Variants in ADCY9 observed in about 807,000 individuals in gnomAD.
ADCY9 encodes the protein adenylate cyclase type 9.
In ADCY9, 50 loss-of-function variants were observed where a neutral mutation model predicts 101.5. The observed-to-expected ratio is 0.49, with a 90% CI of 0.39 to 0.62. The LOEUF is 0.62. Among genes scored for constraint, ADCY9 ranks in the 20% least tolerant of loss-of-function variants. The probability of loss-of-function intolerance (pLI) is 0.00; values close to 1 mark genes in which losing one functional copy is unlikely to be tolerated. For missense variants in ADCY9, 1,662 were observed against 1,800.4 expected (o/e 0.92, Z 1.39); for synonymous variants, 905 against 769.3 (o/e 1.18, Z -2.92).
chr16:4,029,210 A>C (rs2056538163), intron 2 of ADCY9, among the ~76,000 whole-genome samples: 1 of 152,202 alleles, frequency 6.6e-6, no homozygotes. Context: ...TCTAGGAAAT[A>C]ATATTATAGT....
rs771918455 is a variant in ADCY9, at chr16:3,992,392, C to T, written c.1990-29G>A. ...CCTCGAGACAAAGAGGACGCAGACACGGGAAGTGAAGTGGCACCGGGCACT... is the reference window on the plus strand; with the variant it reads ...CCTCGAGACAAAGAGGACGCAGACATGGGAAGTGAAGTGGCACCGGGCACT... On this transcript the variant is annotated intron_variant, in intron 4 of 10. Coordinates refer to ENST00000294016, the MANE Select transcript of ADCY9 (RefSeq NM_001116.4). The surrounding 1 kb of genome is among the most constrained non-coding windows in gnomAD (Gnocchi z 4.2). The T allele has an allele frequency of 7.5e-6, 12 of 1,605,764 alleles. No homozygotes were observed. Among genetic ancestry groups the T allele is most frequent in the Middle Eastern group, 1.7e-4 (1 of 5,814 alleles).
intron 2 of ADCY9, among the ~76,000 whole-genome samples, chr16:4,073,398 CTTTT>C (rs35147648): frequency 1.4e-5 from 2 of 141,716 alleles, no homozygotes; most frequent in Admixed American, 1.4e-4. Context: ...TCTTTAAAAA[CTTTT>C]TTTTTTTTTT....
At chr16:4,014,706 C>T (rs2056426299) in intron 2 of ADCY9, among the ~76,000 whole-genome samples, 1 of 151,932 alleles carries the variant, frequency 6.6e-6, no homozygotes, top group Admixed American at 6.6e-5. Context: ...CCTCTGTCTC[C>T]CAAAGTGCTG....
In ADCY9 at chr16:4,031,547, C is replaced by T. The variant is rs548922588; in HGVS notation, c.1694-23989G>A. Among the ~76,000 whole-genome samples, 11 of 152,236 alleles carry T rather than the reference C, an allele frequency of 7.2e-5. No homozygotes were observed. The East Asian group carries it at 2.1e-3, about 29-fold the overall frequency. On this transcript the variant is annotated intron_variant, in intron 2 of 10. Coordinates refer to ENST00000294016, the MANE Select transcript of ADCY9 (RefSeq NM_001116.4). ...AAGTGGGATATTAGTGTTCATTATA[C>T]TATTATTTCAACTTTTCTGTAGGTT...
chr16:3,966,430 T>C lies in ADCY9; in HGVS notation c.3407A>G (p.Gln1136Arg), dbSNP rs1417323161. 1.2e-6 allele frequency: 2 copies of C among 1,614,062 alleles called. No homozygotes were observed. Among genetic ancestry groups the C allele is most frequent in the Non-Finnish European group, 1.7e-6 (2 of 1,180,052 alleles). ...QDGSHPQEHL[Q>R]ILFEFAKEMM... ...CTCCTTGGCGAACTCGAACAGGATC[T>C]GCAGGTGCTCCTGCGGGTGGCTGCC... The change falls in exon 11 of 11, where the codon CAG (glutamine) becomes CGG (arginine). Residue 1136 changes from glutamine to arginine, a missense_variant. By Grantham distance (43) the Gln-to-Arg change is conservative. Around this residue, in one of 5 missense-constraint regions of ADCY9, gnomAD observed 220 missense variants for 312.9 expected, o/e 0.70. Coordinates refer to ENST00000294016, the MANE Select transcript of ADCY9 (RefSeq NM_001116.4).
rs79827009 is a variant in ADCY9, at chr16:3,978,097, C to T, written c.2680-467G>A. Among the ~76,000 whole-genome samples, 197 of 152,254 alleles carry T rather than the reference C, an allele frequency of 1.3e-3. 4 individuals carry two copies. In the East Asian group the frequency reaches 0.035, roughly 27 times the overall value. On this transcript the variant is annotated intron_variant, in intron 8 of 10. Coordinates refer to ENST00000294016, the MANE Select transcript of ADCY9 (RefSeq NM_001116.4). ...CTATCTGCAGTCAGTCTTACTTTTG[C>T]TAGTGGGCAGTGTCAAGGACAGATC...
chr16:3,998,273 C>A (rs535487366), intron 3 of ADCY9, among the ~76,000 whole-genome samples: 22 of 152,020 alleles, frequency 1.4e-4, no homozygotes, highest in Non-Finnish European at 3.1e-4. Flanking sequence ...TAGCTGGGCA[C>A]AGTGGTGTGT....
chr16:4,036,040 C>T (rs2056587115), intron 2 of ADCY9, among the ~76,000 whole-genome samples: 1 of 141,984 alleles, frequency 7.0e-6, no homozygotes, highest in Non-Finnish European at 1.6e-5. Context: ...CCAAGGGGCC[C>T]CAGCCCCCCT....
At chr16:4,028,044 G>A (rs1295154646) in intron 2 of ADCY9, among the ~76,000 whole-genome samples, 1 of 151,880 alleles carries the variant, frequency 6.6e-6, no homozygotes, top group African/African-American at 2.4e-5. Context: ...GATTTGGGTG[G>A]GGACACAGCC....
chr16:4,093,912 CT>C (rs1166991920), intron 2 of ADCY9, among the ~76,000 whole-genome samples: 1 of 152,194 alleles, frequency 6.6e-6, no homozygotes, highest in Non-Finnish European at 1.5e-5. Flanking sequence ...CGAACTGGAA[CT>C]TCTCCCAGGA....
intron 2 of ADCY9, among the ~76,000 whole-genome samples, chr16:4,031,601 A>C (rs1179442438): frequency 6.6e-6 from 1 of 152,166 alleles, no homozygotes; most frequent in African/African-American, 2.4e-5. Context: ...AAAGTTGCGA[A>C]GGCCAGGCAC....
intron 7 of ADCY9, chr16:3,982,626 G>C (rs2056153517): frequency 6.6e-6 from 1 of 152,596 alleles, no homozygotes; most frequent in Admixed American, 6.5e-5. Flanking sequence ...TTTATTATCA[G>C]GCTATGTGTG....
rs1028541178 is a variant in ADCY9 at position 3,987,880 on chromosome 16, C to T, written c.2310+1114G>A. On this transcript the variant is annotated intron_variant, in intron 6 of 10. Transcript: ENST00000294016. Reference sequence around the variant, plus strand: ...AGGTTTGGGCCCAGAGGAGAGAATGCAGTCTGGAAGCCGCCAGGATTCAAA... The same window carrying T: ...AGGTTTGGGCCCAGAGGAGAGAATGTAGTCTGGAAGCCGCCAGGATTCAAA... Among the ~76,000 whole-genome samples, 6 of 152,156 alleles carry T rather than the reference C, an allele frequency of 3.9e-5. No homozygotes were observed. The East Asian group carries it at 9.6e-4, about 24-fold the overall frequency.
Position 4,053,384 on chromosome 16 carries a change from T to C in ADCY9, c.1694-45826A>G, listed in dbSNP as rs772429385. Among the ~76,000 whole-genome samples, 58 of 149,448 alleles carry C rather than the reference T, an allele frequency of 3.9e-4. 1 individual carries two copies. The highest frequency in any genetic ancestry group is 2.7e-3 in the Admixed American group (40 of 14,956). On this transcript the variant is annotated intron_variant, in intron 2 of 10. Transcript: ENST00000294016. Reference sequence around the variant, plus strand: ...GTGCTTTCACAGTCGTTTTTTCAAATTCAGTCACTGAGACATAAAATAATA... The same window carrying C: ...GTGCTTTCACAGTCGTTTTTTCAAACTCAGTCACTGAGACATAAAATAATA...
intron 2 of ADCY9, among the ~76,000 whole-genome samples, chr16:4,085,884 C>T (rs368392022): frequency 6.6e-6 from 1 of 151,874 alleles, no homozygotes; most frequent in African/African-American, 2.4e-5. Context: ...TCCACCCATG[C>T]GTGTCCAGGG....
chr16:4,040,795 C>T (rs1366772892), intron 2 of ADCY9, among the ~76,000 whole-genome samples: 3 of 151,644 alleles, frequency 2.0e-5, no homozygotes, highest in Admixed American at 1.3e-4. Context: ...GACATTGATT[C>T]CAGGTTAAAT....
At chr16:4,113,577 T>C (rs934203998) in intron 2 of ADCY9, among the ~76,000 whole-genome samples, 173 bp downstream of exon 2, 2 of 152,164 alleles carry the variant, frequency 1.3e-5, no homozygotes, top group African/African-American at 4.8e-5. Context: ...TGAACAGATC[T>C]GTGATATTTG....
chr16:4,041,573 G>C (rs2056627027), intron 2 of ADCY9, among the ~76,000 whole-genome samples: 1 of 146,950 alleles, frequency 6.8e-6, no homozygotes, highest in South Asian at 2.1e-4. Context: ...ATTCAAGGAA[G>C]ACTTGATTGC....
At chr16:4,063,388 A>G (rs527495276) in intron 2 of ADCY9, among the ~76,000 whole-genome samples, 1 of 151,342 alleles carries the variant, frequency 6.6e-6, no homozygotes, top group Non-Finnish European at 1.5e-5. Context: ...TGTATCAGGA[A>G]AAAAAAAAGA....
Sources: allele counts gnomAD v4.1 joint callset (sites outside exome capture counted in the v4.1 genomes callset), GRCh38; gene constraint gnomAD v4.1.1; regional missense constraint gnomAD v4.1.1; non-coding constraint Gnocchi (gnomAD v3.1); transcripts MANE v1.5; gene names NCBI Gene and HGNC (gene_info 2026-07-23, HGNC 2026-07-21).